The following ZNF713 variants were observed in gnomAD, a reference collection of about 807,000 sequenced individuals.
ZNF713 encodes zinc finger protein 713.
ZNF713 carries 21 observed loss-of-function variants against 28.7 expected under a neutral mutation model. The ratio of observed to expected loss-of-function variants is 0.73; its 90% CI spans 0.52 to 1.05. The LOEUF (loss-of-function observed/expected upper bound fraction) is 1.05. Ranked by LOEUF, ZNF713 falls within the 50% of genes least tolerant of loss-of-function variation. The pLI is 0.00. For synonymous variants in ZNF713, 167 were observed against 178.0 expected, an observed-to-expected ratio of 0.94 and a Z score of 0.49; for missense variants, 458 against 532.4, an observed-to-expected ratio of 0.86 and a Z score of 1.37.
chr7:55,912,580 G>T, intron 3 of ZNF713, 55 bp from the exon 4 acceptor site: 1 of 1,307,536 alleles, frequency 7.6e-7, no homozygotes, highest in South Asian at 1.3e-5. Context: ...GAATCTCCAG[G>T]ATTTAAATTT....
At chr7:55,912,100 TCTC>T (rs1785795663) in intron 3 of ZNF713, 32 bp downstream of exon 3, 1 of 152,304 alleles carries the variant, frequency 6.6e-6, no homozygotes, top group African/African-American at 2.4e-5. Flanking sequence ...AATAGTGACA[TCTC>T]CTTTGCATAT....
intron 6 of ZNF713, among the ~76,000 whole-genome samples, chr7:55,930,301 A>G (rs774969430): frequency 1.3e-5 from 2 of 152,212 alleles, no homozygotes; most frequent in Non-Finnish European, 2.9e-5. Flanking sequence ...AAAGTTTGGC[A>G]GTATACACCG....
intron 4 of ZNF713, among the ~76,000 whole-genome samples, chr7:55,922,105 T>G (rs535156024): frequency 1.3e-5 from 2 of 152,192 alleles, no homozygotes; most frequent in South Asian, 4.1e-4. Context: ...TTTTGTATTT[T>G]CAGTAGAGAC....
At chr7:55,920,340 A>G (rs946272321) in intron 4 of ZNF713, among the ~76,000 whole-genome samples, 2 of 152,264 alleles carry the variant, frequency 1.3e-5, no homozygotes, top group African/African-American at 2.4e-5. Context: ...AGGAAAAGCT[A>G]TTGAAGAAAA....
At position 55,939,396 on chromosome 7, in the gene ZNF713, G is replaced by GAA. The variant is rs1786418416; in HGVS notation, c.726_727dup (p.Ile243LysfsTer92). On this transcript the variant is annotated frameshift_variant, in exon 7 of 7. Coordinates refer to ENST00000429591, the MANE Select transcript of ZNF713 (RefSeq NM_182633.3). LOFTEE classifies it high-confidence loss of function. ...ACTCCCTATGAATATAGTGAGTGTG[G>GAA]AAAAATCTTCAATCAACATATTCTT... 1 of 1,613,710 alleles carries GAA rather than the reference G, an allele frequency of 6.2e-7. No individual in the cohort carries two copies. Among genetic ancestry groups the GAA allele is most frequent in the East Asian group, 2.2e-5 (1 of 44,872 alleles).
intron 6 of ZNF713, among the ~76,000 whole-genome samples, chr7:55,931,577 TCTCC>T (rs1786210756): frequency 6.8e-6 from 1 of 147,084 alleles, no homozygotes; most frequent in South Asian, 2.1e-4. Flanking sequence ...TCTCTTCTTC[TCTCC>T]CTCCTTCTTT....
At chr7:55,915,753 G>C (rs1397940600) in intron 4 of ZNF713, among the ~76,000 whole-genome samples, 1 of 152,156 alleles carries the variant, frequency 6.6e-6, no homozygotes, top group East Asian at 1.9e-4. Flanking sequence ...TTGGAGAAGT[G>C]AGCAGGTCTT....
At chr7:55,909,473 A>G (rs894173274) in intron 2 of ZNF713, among the ~76,000 whole-genome samples, 1 of 152,164 alleles carries the variant, frequency 6.6e-6, no homozygotes, top group Non-Finnish European at 1.5e-5. Flanking sequence ...ACATAATGTG[A>G]TGCCTCCAGC....
intron 6 of ZNF713, among the ~76,000 whole-genome samples, chr7:55,928,694 C>G (rs752234222): frequency 6.6e-6 from 1 of 152,102 alleles, no homozygotes; most frequent in Non-Finnish European, 1.5e-5. Flanking sequence ...AAATAAAACA[C>G]CTAGGAATAA....
intron 6 of ZNF713, among the ~76,000 whole-genome samples, chr7:55,936,082 T>C (rs1435940938): frequency 1.3e-5 from 2 of 151,412 alleles, no homozygotes; most frequent in Admixed American, 6.6e-5. Flanking sequence ...TTGGCCAACA[T>C]GGTGAAACCC....
In ZNF713 at chr7:55,941,936, AAT is replaced by A. The variant is rs1335725143; in HGVS notation, c.*1933_*1934del. ...TGAGGGTCCTATTGATGAACTTTGA[AAT>A]ATTGATTCAGAGAAGTCTGCTTTTC... On this transcript the variant is annotated 3_prime_UTR_variant, in exon 7 of 7. Coordinates refer to ENST00000429591, the MANE Select transcript of ZNF713 (RefSeq NM_182633.3). 1.3e-5 allele frequency: 2 copies of A among 152,306 alleles called. No individual in the cohort carries two copies. The highest frequency in any genetic ancestry group is 2.9e-5 in the Non-Finnish European group (2 of 68,030). 9.4% of individuals were successfully genotyped at this position (152,306 alleles called of 1,614,324 possible).
chr7:55,909,270 C>T (rs918665099), intron 2 of ZNF713, among the ~76,000 whole-genome samples: 4 of 151,640 alleles, frequency 2.6e-5, no homozygotes, highest in Non-Finnish European at 5.9e-5. Flanking sequence ...CAAGTTTTCC[C>T]GCACCATTTA....
At chr7:55,918,238 C>A in intron 4 of ZNF713, 1 of 347,330 alleles carries the variant, frequency 2.9e-6, no homozygotes, top group Non-Finnish European at 5.9e-6. Flanking sequence ...TGGAGAGGAG[C>A]CAAGGCCCAC....
At chr7:55,936,035 C>T (rs541404031) in intron 6 of ZNF713, among the ~76,000 whole-genome samples, 22 of 151,538 alleles carry the variant, frequency 1.5e-4, no homozygotes, top group Non-Finnish European at 2.7e-4. Context: ...GAGGCGGAGG[C>T]AGGTGGATCA....
chr7:55,936,266 A>G (rs1347586978), intron 6 of ZNF713, among the ~76,000 whole-genome samples: 6 of 149,918 alleles, frequency 4.0e-5, no homozygotes, highest in African/African-American at 1.5e-4. Context: ...CTCTGTCCCA[A>G]AAAAAAAAAA....
At chr7:55,913,105 G>T (rs1316436510) in intron 4 of ZNF713, among the ~76,000 whole-genome samples, 1 of 151,238 alleles carries the variant, frequency 6.6e-6, no homozygotes, top group Admixed American at 6.6e-5. Context: ...GGATTAATAA[G>T]AATGCCTGAG....
chr7:55,932,561 C>T (rs1054483126), intron 6 of ZNF713, among the ~76,000 whole-genome samples: 2 of 150,718 alleles, frequency 1.3e-5, no homozygotes, highest in Admixed American at 1.3e-4. Context: ...TATGTTTGGC[C>T]AACTAACTAC....
chr7:55,935,797 C>CA (rs537954304), intron 6 of ZNF713, among the ~76,000 whole-genome samples: 19 of 150,354 alleles, frequency 1.3e-4, no homozygotes, highest in Admixed American at 4.6e-4. Flanking sequence ...ACTAAAAATA[C>CA]AAAAAAAATT....
Position 55,887,848 on chromosome 7 carries a change from CGGCGGCGGG to C in ZNF713, c.-583+169_-583+177del, listed in dbSNP as rs1291078715. 8.7e-4 allele frequency among the ~76,000 whole-genome samples: 3 copies of C among 3,458 alleles called. 1 individual carries two copies. Among genetic ancestry groups the C allele is most frequent in the Non-Finnish European group, 2.3e-3 (2 of 858 alleles). The allele number at this position is 3,458 out of a possible 152,430, so 2.3% of individuals were successfully genotyped here. The stretch of plus-strand genomic sequence containing the variant: ...GCGGGCGGCGGGCGGCGGGCGGCGG[CGGCGGCGGG>C]CGGCGGGCGGCGGCGGCGGCGGCGG... On this transcript the variant is annotated intron_variant, in intron 1 of 6. Transcript: ENST00000429591.
Sources: allele counts gnomAD v4.1 joint callset (sites outside exome capture counted in the v4.1 genomes callset), GRCh38; gene constraint gnomAD v4.1.1; transcripts MANE v1.5; gene names NCBI Gene and HGNC (gene_info 2026-07-23, HGNC 2026-07-21).